PLPPR4: variants seen among roughly 807,000 people sequenced by gnomAD.
PLPPR4 encodes the protein phospholipid phosphatase-related protein type 4.
PLPPR4 carries 24 observed loss-of-function variants against 56.6 expected under a neutral mutation model. The observed-to-expected ratio is 0.42, with a 90% confidence interval of 0.31 to 0.60. PLPPR4 has a LOEUF of 0.60. Ranked by LOEUF, PLPPR4 falls within the 20% of genes least tolerant of loss-of-function variation. The probability of loss-of-function intolerance (pLI) is 0.13; values close to 1 mark genes in which losing one functional copy is unlikely to be tolerated. For missense variants in PLPPR4, 654 were observed against 885.8 expected (o/e 0.74, Z 3.32); for synonymous variants, 326 against 328.1 (o/e 0.99, Z 0.07).
intron 1 of PLPPR4, among the ~76,000 whole-genome samples, chr1:99,280,441 A>G (rs533308974): frequency 6.6e-6 from 1 of 152,140 alleles, no homozygotes; most frequent in African/African-American, 2.4e-5. Context: ...TTGTTCCTTT[A>G]ATCATAATTT....
rs1371848801 is a variant in PLPPR4 at position 99,305,966 on chromosome 1, C to T, written c.1104C>T (p.Thr368=). The T allele has an allele frequency of 6.2e-7, 1 of 1,614,096 alleles. No individual in the cohort carries two copies. The highest frequency in any genetic ancestry group is 1.1e-5 in the South Asian group (1 of 91,068). ...AGAACATGGTTACCTTCAGCAATAC[C>T]TTGCCGCGAGCCAATACCCCATCTG... The part of the protein sequence containing the change: ...GKENMVTFSN[T]LPRANTPSVE... Residue 368 remains threonine (T), a synonymous_variant, in exon 7 of 7, where the codon ACC becomes ACT. Coordinates refer to ENST00000370185, the MANE Select transcript of PLPPR4 (RefSeq NM_014839.5).
At chr1:99,280,196 T>C (rs1215627894) in intron 1 of PLPPR4, among the ~76,000 whole-genome samples, 2 of 152,162 alleles carry the variant, frequency 1.3e-5, no homozygotes, top group Non-Finnish European at 2.9e-5. Context: ...TTGAGCATGT[T>C]TCCCAACTTA....
upstream of PLPPR4, among the ~76,000 whole-genome samples, chr1:99,263,201 C>T (rs753719072): frequency 1.3e-5 from 2 of 152,198 alleles, no homozygotes; most frequent in East Asian, 3.9e-4. Context: ...CAGCATCATG[C>T]GGTTGTGTGT....
intron 6 of PLPPR4, 70 bp downstream of exon 6, chr1:99,301,967 A>G: frequency 9.4e-7 from 1 of 1,062,278 alleles, no homozygotes; most frequent in East Asian, 2.5e-5. Context: ...ATTTTGCACT[A>G]TAATAGCTTC....
At chr1:99,278,356 A>C (rs1490664391) in intron 1 of PLPPR4, among the ~76,000 whole-genome samples, 1 of 152,152 alleles carries the variant, frequency 6.6e-6, no homozygotes, top group Non-Finnish European at 1.5e-5. Flanking sequence ...TAGTATCTTC[A>C]TCAAAAAGGT....
chr1:99,276,931 G>A (rs1403408233), intron 1 of PLPPR4, among the ~76,000 whole-genome samples: 2 of 152,190 alleles, frequency 1.3e-5, no homozygotes, highest in Non-Finnish European at 2.9e-5. Flanking sequence ...TGTTTGGTGA[G>A]AGGGATGAGC....
chr1:99,265,152 C>A (rs1049267484), intron 1 of PLPPR4, among the ~76,000 whole-genome samples: 16 of 148,374 alleles, frequency 1.1e-4, no homozygotes, highest in African/African-American at 2.9e-4. Flanking sequence ...CTGCCCCCCC[C>A]CCCCAAATCC....
chr1:99,285,783 TC>T (rs1659448829), intron 1 of PLPPR4, among the ~76,000 whole-genome samples: 1 of 152,210 alleles, frequency 6.6e-6, no homozygotes. Context: ...CAAAAACATT[TC>T]CTGTTTGCTT....
At chr1:99,287,085 G>T (rs1447376516) in intron 1 of PLPPR4, among the ~76,000 whole-genome samples, 3 of 152,042 alleles carry the variant, frequency 2.0e-5, no homozygotes, top group African/African-American at 7.2e-5. Context: ...TCCCCTGTCT[G>T]TGTCCACGTG....
chr1:99,278,646 A>G (rs1397590919), intron 1 of PLPPR4, among the ~76,000 whole-genome samples: 2 of 152,198 alleles, frequency 1.3e-5, no homozygotes, highest in African/African-American at 4.8e-5. Flanking sequence ...TAAGAAGAAC[A>G]AATTTTCACT....
intron 6 of PLPPR4, among the ~76,000 whole-genome samples, chr1:99,302,705 C>T (rs1361278716): frequency 1.5e-5 from 2 of 136,412 alleles, no homozygotes; most frequent in Non-Finnish European, 3.1e-5. Flanking sequence ...TGATGTTCCC[C>T]TTCCTGTGTC....
At chr1:99,273,647 C>A (rs1659112060) in intron 1 of PLPPR4, among the ~76,000 whole-genome samples, 1 of 151,982 alleles carries the variant, frequency 6.6e-6, no homozygotes, top group African/African-American at 2.4e-5. Flanking sequence ...ACTCTTACAA[C>A]AATTTATTTA....
chr1:99,276,104 C>T (rs570062734), intron 1 of PLPPR4, among the ~76,000 whole-genome samples: 1 of 152,112 alleles, frequency 6.6e-6, no homozygotes, highest in African/African-American at 2.4e-5. Context: ...ATACACCAAG[C>T]CTTTTCAAAA....
intron 1 of PLPPR4, among the ~76,000 whole-genome samples, chr1:99,271,951 A>T (rs1347095723): frequency 2.1e-5 from 3 of 140,086 alleles, no homozygotes; most frequent in Admixed American, 7.1e-5. Context: ...TGTGATGGAG[A>T]TCCAATCTGT....
chr1:99,275,381 T>C (rs1429108696), intron 1 of PLPPR4, among the ~76,000 whole-genome samples: 1 of 152,172 alleles, frequency 6.6e-6, no homozygotes, highest in Non-Finnish European at 1.5e-5. Context: ...CCATAGATAA[T>C]ATTGGTTCTG....
At chr1:99,290,358 C>T (rs1472630923) in intron 2 of PLPPR4, among the ~76,000 whole-genome samples, 1 of 152,044 alleles carries the variant, frequency 6.6e-6, no homozygotes, top group Admixed American at 6.6e-5. Flanking sequence ...ATGAAAATGG[C>T]CATACCATCC....
rs181766072 is a variant in PLPPR4 at position 99,285,738 on chromosome 1, A to C, written c.79-2227A>C. Among the ~76,000 whole-genome samples the C allele has an allele frequency of 1.1e-4, 17 of 152,294 alleles. 1 individual carries two copies. The East Asian group carries it at 3.3e-3, about 29-fold the overall frequency. ...AAAAAACTGTTTTTTCAAACCAAAC[A>C]ATCAGAAATCATGGGTAGCTAATAT... On this transcript the variant is annotated intron_variant, in intron 1 of 6. Transcript: ENST00000370185.
chr1:99,265,563 G>A (rs1474005368), intron 1 of PLPPR4, among the ~76,000 whole-genome samples: 1 of 152,172 alleles, frequency 6.6e-6, no homozygotes. Flanking sequence ...AGATACTGAA[G>A]GGTTGTATTG....
At position 99,306,091 on chromosome 1, in the gene PLPPR4, G is replaced by A. The variant is rs756382926; in HGVS notation, c.1229G>A (p.Arg410Gln). ...CAGTGGAAGAATAAGAATGAAAGTC[G>A]AAAGTTGTCCTTGCAAGTTATAGAG... is the stretch of plus-strand genomic sequence containing the variant. ...LTQWKNKNES[R>Q]KLSLQVIEPE... The change falls in exon 7 of 7, where the codon CGA becomes CAA. Residue 410 changes from arginine (R) to glutamine (Q), a missense_variant. Coordinates refer to ENST00000370185, the MANE Select transcript of PLPPR4 (RefSeq NM_014839.5). This position sits in a 1 kb window ranked among gnomAD's most constrained non-coding sequence, Gnocchi z 4.0. 1.2e-6 allele frequency: 2 copies of A among 1,614,112 alleles called. No homozygotes were observed. The highest frequency in any genetic ancestry group is 1.3e-5 in the African/African-American group (1 of 75,032).
Sources: allele counts gnomAD v4.1 joint callset (sites outside exome capture counted in the v4.1 genomes callset), GRCh38; gene constraint gnomAD v4.1.1; non-coding constraint Gnocchi (gnomAD v3.1); transcripts MANE v1.5; gene names NCBI Gene and HGNC (gene_info 2026-07-23, HGNC 2026-07-21).